The following GPC5 variants were observed in gnomAD, a reference collection of about 807,000 sequenced individuals.
GPC5 encodes the protein glypican-5.
A neutral mutation model predicts 53.9 loss-of-function variants in GPC5; 47 were observed. The ratio of observed to expected loss-of-function variants is 0.87; its 90% CI spans 0.69 to 1.11. GPC5 has a LOEUF of 1.11. Among genes scored for constraint, GPC5 ranks in the 50% most tolerant of loss-of-function variants. GPC5 has a pLI of 0.00. For missense variants in GPC5, 748 were observed against 713.1 expected, an observed-to-expected ratio of 1.05 and a Z score of -0.56; for synonymous variants, 286 against 263.3, an observed-to-expected ratio of 1.09 and a Z score of -0.84.
chr13:91,971,336 A>T (rs1594696468), intron 6 of GPC5, among the ~76,000 whole-genome samples: 1 of 151,254 alleles, frequency 6.6e-6, no homozygotes. Flanking sequence ...TTTTTATTGC[A>T]TCTATTTGAT....
chr13:91,608,498 A>G (rs2033445042), intron 2 of GPC5, among the ~76,000 whole-genome samples: 1 of 152,136 alleles, frequency 6.6e-6, no homozygotes, highest in Non-Finnish European at 1.5e-5. Flanking sequence ...TTACATACAT[A>G]TTGTTGCAGG....
intron 7 of GPC5, among the ~76,000 whole-genome samples, chr13:92,771,635 G>T (rs1875620292): frequency 6.6e-6 from 1 of 152,046 alleles, no homozygotes; most frequent in African/African-American, 2.4e-5. Context: ...GAGCCACTGT[G>T]CCCCGCCCTT....
intron 6 of GPC5, among the ~76,000 whole-genome samples, chr13:92,125,943 T>G (rs1287665350): frequency 1.3e-3 from 43 of 33,984 alleles, no homozygotes; most frequent in African/African-American, 4.2e-3. Flanking sequence ...TTTTTTTTTT[T>G]TTTTTTTTTT....
At chr13:91,686,886 C>A (rs1335012402) in intron 2 of GPC5, among the ~76,000 whole-genome samples, 1 of 151,862 alleles carries the variant, frequency 6.6e-6, no homozygotes, top group Non-Finnish European at 1.5e-5. Context: ...AGTTGTAATG[C>A]ACAAAATGCA....
At chr13:91,663,582 C>G (rs2035036610) in intron 2 of GPC5, among the ~76,000 whole-genome samples, 1 of 151,876 alleles carries the variant, frequency 6.6e-6, no homozygotes, top group Non-Finnish European at 1.5e-5. Flanking sequence ...CTCAGCCTCT[C>G]GAGTAGCTAG....
At chr13:92,555,833 G>T (rs1051669596) in intron 7 of GPC5, among the ~76,000 whole-genome samples, 12 of 150,604 alleles carry the variant, frequency 8.0e-5, no homozygotes, top group African/African-American at 2.2e-4. Context: ...TGCTACAGGG[G>T]TTGCATTCTT....
At chr13:92,189,688 T>C (rs2042210007) in intron 7 of GPC5, among the ~76,000 whole-genome samples, 2 of 152,134 alleles carry the variant, frequency 1.3e-5, no homozygotes, top group Admixed American at 1.3e-4. Context: ...AGGCATTTTT[T>C]TTTTAAAGCT....
intron 7 of GPC5, among the ~76,000 whole-genome samples, chr13:92,151,947 A>AGT (rs1188643213): frequency 2.0e-5 from 3 of 152,216 alleles, no homozygotes; most frequent in African/African-American, 7.2e-5. Flanking sequence ...TTTATGAGAC[A>AGT]GTGGTATTTG....
Position 91,608,421 on chromosome 13 carries a change from T to C in GPC5, c.326-84766T>C, listed in dbSNP as rs142681670. 6.0e-3 allele frequency among the ~76,000 whole-genome samples: 910 copies of C among 152,314 alleles called. 8 individuals carry two copies. The highest frequency in any genetic ancestry group is 8.7e-3 in the Non-Finnish European group (593 of 68,018). On this transcript the variant is annotated intron_variant, in intron 2 of 7. Coordinates refer to ENST00000377067, the MANE Select transcript of GPC5 (RefSeq NM_004466.6). ...AGGAGAGTAGACTTCATTTCCAAAA[T>C]GCTTGTACCGTGTCCCTATTTCACA... is the stretch of plus-strand genomic sequence containing the variant.
At chr13:92,223,836 G>A (rs970490570) in intron 7 of GPC5, among the ~76,000 whole-genome samples, 2 of 152,086 alleles carry the variant, frequency 1.3e-5, no homozygotes, top group Admixed American at 1.3e-4. Context: ...TCAACAAAAT[G>A]TTTTGTAAAG....
At chr13:92,703,860 A>C (rs2139255760) in intron 7 of GPC5, among the ~76,000 whole-genome samples, 1 of 152,040 alleles carries the variant, frequency 6.6e-6, no homozygotes, top group Admixed American at 6.6e-5. Flanking sequence ...AAATCACCTA[A>C]AATTTTACAC....
chr13:91,869,445 A>G (rs148063545), intron 5 of GPC5, among the ~76,000 whole-genome samples: 2 of 152,320 alleles, frequency 1.3e-5, no homozygotes, highest in East Asian at 3.9e-4. Context: ...GTACCACACT[A>G]CTGCAATATC....
intron 2 of GPC5, among the ~76,000 whole-genome samples, chr13:91,515,375 A>G (rs1375216311): frequency 4.6e-5 from 7 of 152,194 alleles, no homozygotes; most frequent in Non-Finnish European, 1.0e-4. Flanking sequence ...CAGGGGCTCA[A>G]AGAGAATGGG....
At chr13:92,657,579 G>GTT (rs67038073) in intron 7 of GPC5, among the ~76,000 whole-genome samples, 1,397 of 106,622 alleles carry the variant, frequency 0.013, 7 homozygotes, top group East Asian at 0.031. Context: ...AGGTTTTTTG[G>GTT]TTTTTTTTTT....
chr13:91,796,308 A>G (rs901156303), intron 5 of GPC5, among the ~76,000 whole-genome samples: 2 of 152,196 alleles, frequency 1.3e-5, no homozygotes, highest in African/African-American at 4.8e-5. Context: ...TCAGAAGTGC[A>G]GTGGACACCC....
intron 2 of GPC5, among the ~76,000 whole-genome samples, chr13:91,529,044 G>C (rs760861937): frequency 2.0e-5 from 3 of 152,150 alleles, no homozygotes; most frequent in Non-Finnish European, 4.4e-5. Context: ...CTAGAGTTTT[G>C]AGAATAAGGA....
At chr13:92,281,553 C>T (rs1172889137) in intron 7 of GPC5, among the ~76,000 whole-genome samples, 1 of 152,152 alleles carries the variant, frequency 6.6e-6, no homozygotes, top group Admixed American at 6.5e-5. Context: ...ACGAAGCTTG[C>T]AGAGGAAAGA....
At chr13:91,813,049 C>T (rs2038338568) in intron 5 of GPC5, among the ~76,000 whole-genome samples, 2 of 152,136 alleles carry the variant, frequency 1.3e-5, no homozygotes, top group African/African-American at 4.8e-5. Context: ...ATTTCTGTGA[C>T]TTGAAATTCC....
At chr13:92,585,408 C>T (rs1883506719) in intron 7 of GPC5, among the ~76,000 whole-genome samples, 1 of 152,112 alleles carries the variant, frequency 6.6e-6, no homozygotes, top group African/African-American at 2.4e-5. Context: ...GGCCTGTAGC[C>T]CCTTTGTTTC....
Sources: gnomAD v4.1 joint callset for allele counts (sites outside exome capture counted in the v4.1 genomes callset) on GRCh38, gnomAD v4.1.1 for gene constraint, MANE v1.5 for transcripts, NCBI Gene and HGNC (gene_info 2026-07-23, HGNC 2026-07-21) for gene names.